The following SETX variants were observed in gnomAD, a reference collection of about 807,000 sequenced individuals.
The protein encoded by SETX is senataxin, also known as helicase senataxin.
In SETX, 90 loss-of-function variants were observed where a neutral mutation model predicts 227.2. That is an observed-to-expected ratio of 0.40 (90% CI 0.33 to 0.47). The LOEUF is 0.47. Ranked by LOEUF, SETX falls within the 20% of genes least tolerant of loss-of-function variation. The pLI is 0.91. For synonymous variants in SETX, 1,210 were observed against 1,113.2 expected (o/e 1.09, Z -1.73); for missense variants, 3,052 against 3,181.5 (o/e 0.96, Z 0.98).
intron 9 of SETX, 22 bp from the exon 10 acceptor site, chr9:132,330,521 T>C (rs552152003): frequency 1.2e-6 from 2 of 1,602,198 alleles, no homozygotes; most frequent in Non-Finnish European, 1.7e-6. Flanking sequence ...GAAATGCTGA[T>C]GTTCAGATAA....
chr9:132,343,973 G>A (rs547717318), intron 4 of SETX, among the ~76,000 whole-genome samples: 68 of 152,230 alleles, frequency 4.5e-4, no homozygotes, highest in Middle Eastern at 3.4e-3. Context: ...AAAAAAAGAT[G>A]AGGGCACATG....
chr9:132,298,070 C>T lies in SETX; in HGVS notation c.5781+10G>A, dbSNP rs537414669. ...CATGAAATTATCTAGTATCATACAT[C>T]ATCACTCACAATTCTCTCAGATGTT... On this transcript the variant is annotated intron_variant, in intron 13 of 25. Coordinates refer to ENST00000224140, the MANE Select transcript of SETX (RefSeq NM_015046.7). 2.7e-4 allele frequency: 425 copies of T among 1,573,194 alleles called. 2 individuals carry two copies. The African/African-American group carries it at 4.6e-3, about 17-fold the overall frequency.
intron 24 of SETX, among the ~76,000 whole-genome samples, chr9:132,271,326 G>A (rs1402492343): frequency 6.6e-6 from 1 of 152,204 alleles, no homozygotes; most frequent in Non-Finnish European, 1.5e-5. Flanking sequence ...CATTTTGGGA[G>A]GCCAAAGTGG....
intron 11 of SETX, among the ~76,000 whole-genome samples, chr9:132,303,919 C>T (rs1350106273): frequency 1.3e-5 from 2 of 152,078 alleles, no homozygotes. Context: ...ATCAGAAGTT[C>T]GAGACCAGCC....
chr9:132,286,532 T>A, intron 17 of SETX, 38 bp from the exon 18 acceptor site: 2 of 1,446,008 alleles, frequency 1.4e-6, no homozygotes, highest in Non-Finnish European at 1.9e-6. Flanking sequence ...AAAACTAAAC[T>A]AAGCATTTTT....
At chr9:132,309,093 G>A (rs376939762) in intron 11 of SETX, among the ~76,000 whole-genome samples, 33 of 152,086 alleles carry the variant, frequency 2.2e-4, no homozygotes, top group Admixed American at 5.9e-4. Flanking sequence ...AGCCAGGATC[G>A]CGCCACTGCA....
chr9:132,349,832 G>A (rs942289227), intron 2 of SETX, among the ~76,000 whole-genome samples: 5 of 152,110 alleles, frequency 3.3e-5, no homozygotes, highest in African/African-American at 1.2e-4. Flanking sequence ...AAACTGAATG[G>A]ACCTAGCTCA....
Position 132,328,110 on chromosome 9 carries a change from T to C in SETX, c.3488A>G (p.Lys1163Arg). 6.2e-7 allele frequency: 1 copy of C among 1,614,014 alleles called. No individual in the cohort carries two copies. The highest frequency in any genetic ancestry group is 8.5e-7 in the Non-Finnish European group (1 of 1,179,982). Residue 1163 changes from lysine (K) to arginine (R), a missense_variant, in exon 10 of 26, where the codon AAA becomes AGA. This residue lies in a region of SETX where 1,483 missense variants were observed against 1,312.0 expected (regional missense o/e 1.13). Coordinates refer to ENST00000224140, the MANE Select transcript of SETX (RefSeq NM_015046.7). ...TTCAGCCATTGGTTTTTCAGATCGT[T>C]TTCTCTTAGGCTTTTTTACTTCAAT... The part of the protein sequence containing the change: ...CEIEVKKPKR[K>R]RSEKPMAEDP...
chr9:132,335,367 G>C (rs1203491155), intron 6 of SETX, among the ~76,000 whole-genome samples: 4 of 109,272 alleles, frequency 3.7e-5, no homozygotes, highest in African/African-American at 1.5e-4. Flanking sequence ...CTCCAGCCTG[G>C]GCGACAGAGC....
In SETX at chr9:132,329,675, G is replaced by A. The variant is rs896915795; in HGVS notation, c.1923C>T (p.Ser641=). 6.2e-7 allele frequency: 1 copy of A among 1,613,830 alleles called. No individual in the cohort carries two copies. Among genetic ancestry groups the A allele is most frequent in the South Asian group, 1.1e-5 (1 of 91,010 alleles). ...SRKDMHCLEA[S]SPTFSKEPMK... is the part of the protein sequence containing the mutation. ...TTGGTTCTTTAGAAAATGTTGGGCTGGAAGCTTCCAAACAATGCATATCTT... is the reference window on the plus strand; with the variant it reads ...TTGGTTCTTTAGAAAATGTTGGGCTAGAAGCTTCCAAACAATGCATATCTT... Residue 641 remains serine, a synonymous_variant, in exon 10 of 26, where the codon TCC becomes TCT. Coordinates refer to ENST00000224140, the MANE Select transcript of SETX (RefSeq NM_015046.7).
In SETX at chr9:132,354,964, C is replaced by G. The variant is rs1037848213; in HGVS notation, c.-162G>C. 1 of 152,232 alleles carries G rather than the reference C, an allele frequency of 6.6e-6. No homozygotes were observed. Among genetic ancestry groups the G allele is most frequent in the African/African-American group, 2.4e-5 (1 of 41,448 alleles). 9.4% of individuals were successfully genotyped at this position (152,232 alleles called of 1,614,324 possible). On this transcript the variant is annotated 5_prime_UTR_variant, in exon 1 of 26. Transcript: ENST00000224140. Reference sequence around the variant, plus strand: ...TCTAGCCCACCTCCATACCGGGCCCCGCTCTAGGCCACCAGCGGAAGTGCG... The same window carrying G: ...TCTAGCCCACCTCCATACCGGGCCCGGCTCTAGGCCACCAGCGGAAGTGCG...
intron 18 of SETX, among the ~76,000 whole-genome samples, 181 bp from the exon 19 acceptor site, chr9:132,283,594 A>G (rs1481952680): frequency 1.3e-5 from 2 of 152,242 alleles, no homozygotes; most frequent in Non-Finnish European, 2.9e-5. Context: ...AGATAATCAC[A>G]AAGCAGAAAG....
chr9:132,264,501 G>C lies in SETX; in HGVS notation c.7772C>G (p.Ala2591Gly). The C allele has an allele frequency of 6.2e-7, 1 of 1,613,900 alleles. No individual in the cohort carries two copies. Among genetic ancestry groups the C allele is most frequent in the Non-Finnish European group, 8.5e-7 (1 of 1,179,914 alleles). The change falls in exon 26 of 26, where the codon GCT becomes GGT. Residue 2591 changes from alanine to glycine, a missense_variant. Physicochemically the swap from Ala to Gly is moderately conservative, Grantham distance 60. Around this residue, in one of 10 missense-constraint regions of SETX, gnomAD observed 294 missense variants for 278.8 expected, o/e 1.05. Coordinates refer to ENST00000224140, the MANE Select transcript of SETX (RefSeq NM_015046.7). ...GCTGCTCAGAGCAGCCACTACAGCA[G>C]CGGGCTGCTGTATATGGCTCAGGTC... Reference protein sequence around the residue: ...HQDLSHIQQPAAVVAALSSHK... With the variant: ...HQDLSHIQQPGAVVAALSSHK...
intron 2 of SETX, among the ~76,000 whole-genome samples, chr9:132,351,696 C>T (rs1848612186): frequency 6.6e-6 from 1 of 152,178 alleles, no homozygotes; most frequent in Non-Finnish European, 1.5e-5. Flanking sequence ...GCCCAGGAAA[C>T]CTCAATAGGG....
At chr9:132,349,504 C>T (rs764468770) in intron 2 of SETX, 69 bp from the exon 3 acceptor site, 13 of 1,477,752 alleles carry the variant, frequency 8.8e-6, no homozygotes, top group Middle Eastern at 1.7e-4. Flanking sequence ...AGAATAGGTA[C>T]ACTTTCAACT....
At chr9:132,281,267 T>C (rs982905635) in intron 20 of SETX, among the ~76,000 whole-genome samples, 200 bp downstream of exon 20, 4 of 152,096 alleles carry the variant, frequency 2.6e-5, no homozygotes, top group African/African-American at 9.7e-5. Flanking sequence ...CTGCCACACA[T>C]ACACAGAAGA....
chr9:132,310,522 C>T (rs1845586290), intron 11 of SETX, among the ~76,000 whole-genome samples: 1 of 152,210 alleles, frequency 6.6e-6, no homozygotes, highest in Admixed American at 6.5e-5. Flanking sequence ...CTTCAAAAGA[C>T]CTGCTTGCGA....
At chr9:132,280,526 C>CT (rs1287793988) in intron 20 of SETX, among the ~76,000 whole-genome samples, 2 of 152,172 alleles carry the variant, frequency 1.3e-5, no homozygotes, top group Admixed American at 6.5e-5. Context: ...GGGCCACACT[C>CT]TAACATGATC....
chr9:132,330,594 T>C (rs1847160952), intron 9 of SETX, 95 bp from the exon 10 acceptor site: 1 of 1,078,508 alleles, frequency 9.3e-7, no homozygotes, highest in Admixed American at 2.0e-5. Flanking sequence ...TTCTCAACTC[T>C]CTTATTTTGG....
Sources: allele counts gnomAD v4.1 joint callset (sites outside exome capture counted in the v4.1 genomes callset), GRCh38; gene constraint gnomAD v4.1.1; regional missense constraint gnomAD v4.1.1; transcripts MANE v1.5; gene names NCBI Gene and HGNC (gene_info 2026-07-23, HGNC 2026-07-21).